MEI4: variants seen among roughly 807,000 people sequenced by gnomAD.
MEI4 encodes meiotic double-stranded break formation protein 4.
A neutral mutation model predicts 31.4 loss-of-function variants in MEI4; 27 were observed. The observed-to-expected ratio is 0.86, with a 90% CI of 0.63 to 1.19. The LOEUF is 1.19. Among genes scored for constraint, MEI4 ranks in the 50% most tolerant of loss-of-function variants. MEI4 has a pLI of 0.00. For missense variants in MEI4, 329 were observed against 398.9 expected, an observed-to-expected ratio of 0.82 and a Z score of 1.49; for synonymous variants, 122 against 145.4, an observed-to-expected ratio of 0.84 and a Z score of 1.16.
intron 2 of MEI4, among the ~76,000 whole-genome samples, chr6:77,715,890 A>AT (rs985743398): frequency 2.7e-5 from 4 of 150,288 alleles, no homozygotes; most frequent in Admixed American, 6.6e-5. Context: ...GCCGGTTACA[A>AT]TTTTTTTTTC....
chr6:77,661,394 G>A (rs545908802), intron 1 of MEI4, among the ~76,000 whole-genome samples: 3 of 152,118 alleles, frequency 2.0e-5, no homozygotes, highest in African/African-American at 7.2e-5. Context: ...AGAAACGACC[G>A]CGGTGGCCTT....
chr6:77,831,521 A>G lies in MEI4; in HGVS notation c.900+2459A>G, dbSNP rs1000121546. ...TAAAGATAATTTTATATATATATATATATACCAAATAATAATATTCCTCTC... is the reference window on the plus strand; with the variant it reads ...TAAAGATAATTTTATATATATATATGTATACCAAATAATAATATTCCTCTC... On this transcript the variant is annotated intron_variant, in intron 4 of 4. Coordinates refer to ENST00000684080, the MANE Select transcript of MEI4 (RefSeq NM_001322247.2). Among the ~76,000 whole-genome samples the G allele has an allele frequency of 9.3e-5, 14 of 150,888 alleles. No individual in the cohort carries two copies. In the Admixed American group the frequency reaches 9.3e-4, roughly 10 times the overall value.
chr6:77,922,070 G>A (rs542734910), intron 4 of MEI4, among the ~76,000 whole-genome samples: 62 of 151,594 alleles, frequency 4.1e-4, no homozygotes, highest in African/African-American at 1.5e-3. Flanking sequence ...ATATCTGGGA[G>A]GTACAATAAT....
At chr6:77,893,134 T>G (rs1018317602) in intron 4 of MEI4, among the ~76,000 whole-genome samples, 1 of 152,186 alleles carries the variant, frequency 6.6e-6, no homozygotes, top group African/African-American at 2.4e-5. Flanking sequence ...CCCTGCTGCA[T>G]CCCAATGTTC....
chr6:77,899,050 T>A (rs4706661), intron 4 of MEI4, among the ~76,000 whole-genome samples: 78,125 of 151,688 alleles, frequency 0.52, 22,166 homozygotes, highest in East Asian at 0.75. Context: ...TCCATGGGTG[T>A]CCCTCATTCT....
At chr6:77,788,444 G>C (rs1768810700) in intron 3 of MEI4, among the ~76,000 whole-genome samples, 1 of 152,154 alleles carries the variant, frequency 6.6e-6, no homozygotes, top group African/African-American at 2.4e-5. Context: ...ATTCAATTAG[G>C]AAAAGAGGAA....
intron 2 of MEI4, among the ~76,000 whole-genome samples, chr6:77,729,317 C>A (rs987704909): frequency 6.6e-6 from 1 of 152,150 alleles, no homozygotes; most frequent in Non-Finnish European, 1.5e-5. Flanking sequence ...TCACCAAGGT[C>A]TGATTTCAAA....
intron 4 of MEI4, among the ~76,000 whole-genome samples, chr6:77,913,722 G>GTT (rs556208260): frequency 2.1e-5 from 3 of 141,150 alleles, no homozygotes. Context: ...ATTTTGTTTA[G>GTT]TTTTTTTTTT....
At chr6:77,668,178 A>T (rs1465611357) in intron 1 of MEI4, among the ~76,000 whole-genome samples, 6 of 152,178 alleles carry the variant, frequency 3.9e-5, no homozygotes, top group Admixed American at 1.3e-4. Context: ...TGCCAGAATG[A>T]AAAGGAAACT....
intron 2 of MEI4, among the ~76,000 whole-genome samples, chr6:77,750,966 C>G (rs113408439): frequency 6.6e-6 from 1 of 152,096 alleles, no homozygotes; most frequent in Non-Finnish European, 1.5e-5. Flanking sequence ...AAGAAACTCA[C>G]TCAAAACTGC....
intron 3 of MEI4, among the ~76,000 whole-genome samples, chr6:77,809,935 G>T (rs1046401264): frequency 2.6e-5 from 4 of 152,082 alleles, no homozygotes; most frequent in African/African-American, 7.2e-5. Flanking sequence ...GGCTCAGTGA[G>T]ATTTTTAGAT....
rs139260121 is a variant in MEI4 at position 77,904,929 on chromosome 6, A to T, written c.901-18160A>T. Among the ~76,000 whole-genome samples the T allele has an allele frequency of 1.4e-3, 213 of 152,286 alleles. 1 individual carries two copies. Among genetic ancestry groups the T allele is most frequent in the African/African-American group, 4.5e-3 (187 of 41,562 alleles). ...GGCTTCATACTAAGATTTAAGTGATATACATGCCACTTTTACAATATTAGA... is the reference window on the plus strand; with the variant it reads ...GGCTTCATACTAAGATTTAAGTGATTTACATGCCACTTTTACAATATTAGA... On this transcript the variant is annotated intron_variant, in intron 4 of 4. Transcript: ENST00000684080.
chr6:77,709,947 A>T (rs1766420727), intron 2 of MEI4, among the ~76,000 whole-genome samples: 1 of 152,176 alleles, frequency 6.6e-6, no homozygotes, highest in Admixed American at 6.5e-5. Flanking sequence ...AGTCCAAAGC[A>T]GGCCAAGTCC....
intron 2 of MEI4, among the ~76,000 whole-genome samples, chr6:77,749,614 C>T (rs891334243): frequency 1.4e-5 from 2 of 144,050 alleles, no homozygotes; most frequent in East Asian, 4.2e-4. Context: ...AAATATGGGA[C>T]TGTGTGAAAA....
intron 3 of MEI4, among the ~76,000 whole-genome samples, chr6:77,800,260 G>A (rs1411701008): frequency 6.6e-6 from 1 of 151,986 alleles, no homozygotes; most frequent in Non-Finnish European, 1.5e-5. Flanking sequence ...TGAAGCAATT[G>A]TGAATGGGAG....
At chr6:77,709,687 T>G (rs1434757410) in intron 2 of MEI4, among the ~76,000 whole-genome samples, 1 of 152,184 alleles carries the variant, frequency 6.6e-6, no homozygotes, top group Non-Finnish European at 1.5e-5. Context: ...ATACCTTCTT[T>G]CCTGGAATTA....
At chr6:77,909,693 C>T (rs1198227252) in intron 4 of MEI4, among the ~76,000 whole-genome samples, 1 of 152,126 alleles carries the variant, frequency 6.6e-6, no homozygotes, top group Non-Finnish European at 1.5e-5. Context: ...AGGGAATCCT[C>T]CCTAACTCAT....
At chr6:77,787,203 C>T (rs575709791) in intron 3 of MEI4, among the ~76,000 whole-genome samples, 7 of 152,268 alleles carry the variant, frequency 4.6e-5, no homozygotes, top group African/African-American at 7.2e-5. Flanking sequence ...GTTCTTTAGC[C>T]GGGATTTTCT....
At chr6:77,675,002 T>C (rs1768814464) in intron 1 of MEI4, among the ~76,000 whole-genome samples, 1 of 152,138 alleles carries the variant, frequency 6.6e-6, no homozygotes, top group South Asian at 2.1e-4. Context: ...CTAGTTCATT[T>C]ATTTTTCATT....
Sources: allele counts gnomAD v4.1 joint callset (sites outside exome capture counted in the v4.1 genomes callset), GRCh38; gene constraint gnomAD v4.1.1; transcripts MANE v1.5; gene names NCBI Gene and HGNC (gene_info 2026-07-23, HGNC 2026-07-21).